The following RBFOX1 variants were observed in gnomAD, a reference collection of about 807,000 sequenced individuals.
The protein encoded by RBFOX1 is RNA binding fox-1 homolog 1.
RBFOX1 carries 8 observed loss-of-function variants against 57.7 expected under a neutral mutation model. The ratio of observed to expected loss-of-function variants is 0.14; its 90% CI spans 0.08 to 0.25. The LOEUF (loss-of-function observed/expected upper bound fraction) is 0.25, where lower values mean the gene tolerates loss of function less well. RBFOX1 is among the 10% of genes least tolerant of loss of function. The pLI is 1.00. For synonymous variants in RBFOX1, 326 were observed against 222.4 expected (o/e 1.47, Z -4.15); for missense variants, 611 against 548.5 (o/e 1.11, Z -1.14).
rs1217587869 is a variant in RBFOX1, at chr16:5,491,362, T to G, written c.258+24108T>G. On this transcript the variant is annotated intron_variant, in intron 2 of 2. Transcript: ENST00000585867. ...TCGCCAAAGGTTAATTTTGCCTGTT[T>G]GGAAATTCCTATCAATGGAATCGCA... 2.0e-5 allele frequency among the ~76,000 whole-genome samples: 3 copies of G among 152,184 alleles called. No homozygotes were observed. The South Asian group carries it at 6.2e-4, about 31-fold the overall frequency.
At chr16:7,610,023 A>C (rs2057124572) in intron 10 of RBFOX1, among the ~76,000 whole-genome samples, 1 of 147,958 alleles carries the variant, frequency 6.8e-6, no homozygotes. Flanking sequence ...TCACCCTGTT[A>C]GCCAGGATGG....
At chr16:5,935,796 C>T (rs2059156152) in intron 4 of RBFOX1, among the ~76,000 whole-genome samples, 1 of 152,194 alleles carries the variant, frequency 6.6e-6, no homozygotes, top group South Asian at 2.1e-4. Flanking sequence ...GTCTCCACAT[C>T]CAATGGCTAG....
intron 2 of RBFOX1, among the ~76,000 whole-genome samples, chr16:6,339,770 A>T (rs1418572519): frequency 2.0e-5 from 3 of 151,996 alleles, no homozygotes; most frequent in African/African-American, 7.2e-5. Context: ...TCCCAGGTTC[A>T]AGCGATTCTC....
chr16:6,829,342 G>T (rs558201416), intron 3 of RBFOX1, among the ~76,000 whole-genome samples: 3 of 151,738 alleles, frequency 2.0e-5, no homozygotes, highest in African/African-American at 7.2e-5. Context: ...GCAAGAATAT[G>T]TGAGGAAGTA....
chr16:5,663,003 T>A (rs1389514586), intron 3 of RBFOX1, among the ~76,000 whole-genome samples: 2 of 152,124 alleles, frequency 1.3e-5, no homozygotes, highest in Non-Finnish European at 2.9e-5. Flanking sequence ...AGGAGAGCAA[T>A]TTTGCCTCCC....
intron 3 of RBFOX1, among the ~76,000 whole-genome samples, chr16:6,828,086 T>C (rs532924308): frequency 1.3e-5 from 2 of 152,182 alleles, no homozygotes; most frequent in East Asian, 1.9e-4. Flanking sequence ...CATGCAGTTA[T>C]GAAGAACCAA....
intron 3 of RBFOX1, among the ~76,000 whole-genome samples, chr16:7,042,164 C>G (rs1273233630): frequency 6.6e-6 from 1 of 152,184 alleles, no homozygotes; most frequent in Non-Finnish European, 1.5e-5. Context: ...TGGAACTAGA[C>G]AACACTAGCT....
chr16:6,191,315 T>C (rs2097140392), intron 1 of RBFOX1, among the ~76,000 whole-genome samples: 1 of 152,046 alleles, frequency 6.6e-6, no homozygotes, highest in Admixed American at 6.6e-5. Context: ...TAACCCACCC[T>C]TGTAAGCTTT....
chr16:5,819,831 C>G lies in RBFOX1; in HGVS notation c.319-47472C>G, dbSNP rs142199166. On this transcript the variant is annotated intron_variant, in intron 3 of 19. Coordinates refer to the RBFOX1 transcript ENST00000641259. ...CATGCCCTAGGCAGGCCCTGGAGCC[C>G]CAGAAATGATGGATAAATGAGGAGC... 8.8e-3 allele frequency among the ~76,000 whole-genome samples: 1,338 copies of G among 152,260 alleles called. 23 individuals carry two copies. The highest frequency in any genetic ancestry group is 0.03 in the African/African-American group (1,238 of 41,554).
In RBFOX1 at chr16:5,814,336, C is replaced by G. The variant is rs118092575; in HGVS notation, c.319-52967C>G. 7.1e-3 allele frequency among the ~76,000 whole-genome samples: 1,087 copies of G among 152,322 alleles called. 6 individuals are homozygous for G. Among genetic ancestry groups the G allele is most frequent in the Non-Finnish European group, 0.012 (800 of 68,024 alleles). On this transcript the variant is annotated intron_variant, in intron 3 of 19. Coordinates refer to the RBFOX1 transcript ENST00000641259. ...AAAAGAATATAAAAATAAATTCACTCTAATTTATATGAAGATCTCTGTTTG... is the reference window on the plus strand; with the variant it reads ...AAAAGAATATAAAAATAAATTCACTGTAATTTATATGAAGATCTCTGTTTG...
intron 2 of RBFOX1, among the ~76,000 whole-genome samples, chr16:6,489,375 G>A (rs2095578854): frequency 6.6e-6 from 1 of 152,098 alleles, no homozygotes; most frequent in Admixed American, 6.6e-5. Context: ...TCTTGCAAAT[G>A]CTTTAAAATA....
At chr16:5,401,179 T>C (rs1049390400) in intron 1 of RBFOX1, among the ~76,000 whole-genome samples, 9 of 152,248 alleles carry the variant, frequency 5.9e-5, no homozygotes, top group African/African-American at 2.2e-4. Flanking sequence ...GGTTTATTTA[T>C]ACTTTCTGCA....
intron 4 of RBFOX1, among the ~76,000 whole-genome samples, chr16:7,441,477 TC>T (rs2098766179): frequency 1.3e-5 from 2 of 152,198 alleles, no homozygotes; most frequent in African/African-American, 4.8e-5. Flanking sequence ...TGTGCCAGCG[TC>T]ACTGGGTAGT....
chr16:6,078,029 T>C (rs901640110), intron 1 of RBFOX1, among the ~76,000 whole-genome samples: 1 of 152,168 alleles, frequency 6.6e-6, no homozygotes, highest in Non-Finnish European at 1.5e-5. Flanking sequence ...CTGAACATTT[T>C]GTTGGTAACA....
intron 4 of RBFOX1, among the ~76,000 whole-genome samples, chr16:7,230,066 A>AAGGAAGGGAGAGAGAGGG (rs2093410916): frequency 2.6e-5 from 2 of 76,354 alleles, no homozygotes; most frequent in African/African-American, 4.0e-5. Flanking sequence ...GAGAGAGAGG[A>AAGGAAGGGAGAGAGAGGG]AGGAAGGGAG....
chr16:5,848,547 G>A (rs542126745), intron 3 of RBFOX1, among the ~76,000 whole-genome samples: 1 of 152,304 alleles, frequency 6.6e-6, no homozygotes, highest in East Asian at 1.9e-4. Context: ...TTTATACCCA[G>A]CACAATCATC....
chr16:5,406,855 C>G (rs2066882363), intron 1 of RBFOX1, among the ~76,000 whole-genome samples: 1 of 152,098 alleles, frequency 6.6e-6, no homozygotes, highest in Non-Finnish European at 1.5e-5. Context: ...TGGGCACTCA[C>G]CAGCGTGAAG....
chr16:6,826,338 C>A (rs2092134091), intron 3 of RBFOX1, among the ~76,000 whole-genome samples: 2 of 152,082 alleles, frequency 1.3e-5, no homozygotes, highest in Admixed American at 6.6e-5. Flanking sequence ...CATGGGGAGA[C>A]CCCCTTCTTA....
chr16:7,593,093 G>T (rs928915539), intron 7 of RBFOX1, among the ~76,000 whole-genome samples: 4 of 151,916 alleles, frequency 2.6e-5, no homozygotes, highest in African/African-American at 9.7e-5. Flanking sequence ...TGCATTACAG[G>T]TGTGAGCCAC....
Sources: gnomAD v4.1 joint callset for allele counts (sites outside exome capture counted in the v4.1 genomes callset) on GRCh38, gnomAD v4.1.1 for gene constraint, MANE v1.5 for transcripts, NCBI Gene and HGNC (gene_info 2026-07-23, HGNC 2026-07-21) for gene names.